EFCAB5: variants seen among roughly 807,000 people sequenced by gnomAD.
The protein encoded by EFCAB5 is EF-hand calcium binding domain 5.
A neutral mutation model predicts 167.9 loss-of-function variants in EFCAB5; 131 were observed. The observed-to-expected ratio is 0.78, with a 90% CI of 0.68 to 0.90. The LOEUF (loss-of-function observed/expected upper bound fraction) is 0.90. Among genes scored for constraint, EFCAB5 ranks in the 40% least tolerant of loss-of-function variants. The probability of loss-of-function intolerance (pLI) is 0.00; values close to 1 mark genes in which losing one functional copy is unlikely to be tolerated. For missense variants in EFCAB5, 1,663 were observed against 1,745.2 expected, an observed-to-expected ratio of 0.95 and a Z score of 0.84; for synonymous variants, 574 against 602.8, an observed-to-expected ratio of 0.95 and a Z score of 0.70.
chr17:29,949,705 T>G (rs956548662), intron 3 of EFCAB5, among the ~76,000 whole-genome samples: 2 of 152,228 alleles, frequency 1.3e-5, no homozygotes, highest in African/African-American at 4.8e-5. Context: ...TTGTTCAGAA[T>G]CCTGATTTGT....
At chr17:30,045,448 G>C (rs1431044165) in intron 8 of EFCAB5, among the ~76,000 whole-genome samples, 17 of 132,362 alleles carry the variant, frequency 1.3e-4, no homozygotes, top group Non-Finnish European at 3.1e-5. Context: ...ACAGAGCTAG[G>C]CTCTGTCTCC....
intron 22 of EFCAB5, among the ~76,000 whole-genome samples, chr17:30,099,928 C>T (rs1416114671): frequency 6.6e-6 from 1 of 152,034 alleles, no homozygotes; most frequent in African/African-American, 2.4e-5. Context: ...GTGGCCCTGC[C>T]CTCTTTTTTC....
At chr17:29,952,596 C>T (rs2067534454) in intron 3 of EFCAB5, among the ~76,000 whole-genome samples, 1 of 152,000 alleles carries the variant, frequency 6.6e-6, no homozygotes, top group Non-Finnish European at 1.5e-5. Context: ...TAGACCTATA[C>T]CTTTCAATAT....
intron 22 of EFCAB5, among the ~76,000 whole-genome samples, chr17:30,106,284 T>A (rs2071448307): frequency 1.3e-5 from 2 of 151,322 alleles, no homozygotes; most frequent in South Asian, 4.1e-4. Flanking sequence ...ATAAATTATT[T>A]ATTTATAATT....
At chr17:30,088,284 T>C (rs761870805) in intron 19 of EFCAB5, among the ~76,000 whole-genome samples, 5 of 152,046 alleles carry the variant, frequency 3.3e-5, no homozygotes, top group Non-Finnish European at 7.4e-5. Context: ...TAAGCCCAGC[T>C]CATTTAATTT....
intron 4 of EFCAB5, among the ~76,000 whole-genome samples, chr17:29,977,007 T>C (rs2068075453): frequency 6.6e-6 from 1 of 152,208 alleles, no homozygotes; most frequent in Non-Finnish European, 1.5e-5. Context: ...GACATAGATA[T>C]AGAATTAAAG....
intron 3 of EFCAB5, among the ~76,000 whole-genome samples, chr17:29,947,377 A>C (rs546490673): frequency 6.6e-6 from 1 of 152,150 alleles, no homozygotes. Context: ...GTATGCAAAG[A>C]CATGCCGAGC....
intron 3 of EFCAB5, among the ~76,000 whole-genome samples, chr17:29,964,626 T>G (rs924927076): frequency 2.0e-5 from 3 of 152,174 alleles, no homozygotes; most frequent in African/African-American, 4.8e-5. Context: ...TTTTAATCTC[T>G]GTAAGGTTGG....
At chr17:30,043,077 C>T (rs919668339) in intron 8 of EFCAB5, among the ~76,000 whole-genome samples, 12 of 151,964 alleles carry the variant, frequency 7.9e-5, no homozygotes, top group Admixed American at 2.6e-4. Flanking sequence ...CCCAGGAGTT[C>T]GAATCCAGCC....
chr17:30,005,556 A>T (rs1219287180), intron 7 of EFCAB5, among the ~76,000 whole-genome samples: 1 of 152,176 alleles, frequency 6.6e-6, no homozygotes, highest in Non-Finnish European at 1.5e-5. Context: ...CACAAATTGC[A>T]TATGTTTGTA....
At chr17:30,081,298 T>C (rs187380413) in intron 17 of EFCAB5, among the ~76,000 whole-genome samples, 1 of 152,320 alleles carries the variant, frequency 6.6e-6, no homozygotes, top group Admixed American at 6.5e-5. Flanking sequence ...GGAATGAACT[T>C]TTAGAAGGGA....
intron 22 of EFCAB5, among the ~76,000 whole-genome samples, chr17:30,096,307 G>A (rs923290222): frequency 6.6e-6 from 1 of 152,074 alleles, no homozygotes; most frequent in Non-Finnish European, 1.5e-5. Flanking sequence ...TTATTAAGAG[G>A]AACAACTAAA....
intron 22 of EFCAB5, among the ~76,000 whole-genome samples, chr17:30,102,553 TTTTTC>T (rs2071395737): frequency 6.6e-6 from 1 of 152,068 alleles, no homozygotes. Flanking sequence ...CTTCTTTTTC[TTTTTC>T]TTTTCTTCTT....
intron 22 of EFCAB5, among the ~76,000 whole-genome samples, chr17:30,103,543 G>A (rs1597579855): frequency 6.6e-6 from 1 of 152,028 alleles, no homozygotes; most frequent in East Asian, 1.9e-4. Flanking sequence ...CTCAAACTTC[G>A]ATTACTAGAG....
intron 1 of EFCAB5, among the ~76,000 whole-genome samples, chr17:29,935,100 A>G (rs930930244): frequency 3.9e-5 from 6 of 152,234 alleles, no homozygotes; most frequent in Non-Finnish European, 8.8e-5. Flanking sequence ...TTTGGGCATA[A>G]TTATAAGTAT....
intron 8 of EFCAB5, 141 bp downstream of exon 8, chr17:30,034,526 C>T (rs2069567506): frequency 1.1e-6 from 1 of 917,982 alleles, no homozygotes; most frequent in East Asian, 2.8e-5. Context: ...TGGTGAAACC[C>T]CATATCTACA....
Position 30,034,256 on chromosome 17 carries a change from G to A in EFCAB5, c.1071G>A (p.Leu357=), listed in dbSNP as rs1162670772. The change falls in exon 8 of 23, where the codon TTG becomes TTA. Residue 357 remains leucine, a synonymous_variant. Coordinates refer to ENST00000394835, the MANE Select transcript of EFCAB5 (RefSeq NM_198529.4). ...TEYISSHIKD[L]KSEMFEELLK... is the part of the protein sequence containing the mutation. ...ACATCTCTTCACATATTAAAGACTT[G>A]AAGAGTGAAATGTTTGAGGAACTTC... 4 of 1,613,722 alleles carry A rather than the reference G, an allele frequency of 2.5e-6. No homozygotes were observed. In the Admixed American group the frequency reaches 6.7e-5, roughly 27 times the overall value.
chr17:30,030,260 T>C (rs2151730019), intron 7 of EFCAB5, among the ~76,000 whole-genome samples: 1 of 152,350 alleles, frequency 6.6e-6, no homozygotes, highest in South Asian at 2.1e-4. Flanking sequence ...CGACAGACTA[T>C]AGCTCCAGAA....
intron 3 of EFCAB5, among the ~76,000 whole-genome samples, chr17:29,959,888 C>T (rs1292374745): frequency 6.6e-6 from 1 of 152,148 alleles, no homozygotes; most frequent in African/African-American, 2.4e-5. Context: ...GAGCCCAGTA[C>T]AGCACCAAGA....
Sources: gnomAD v4.1 joint callset for allele counts (sites outside exome capture counted in the v4.1 genomes callset) on GRCh38, gnomAD v4.1.1 for gene constraint, MANE v1.5 for transcripts, NCBI Gene and HGNC (gene_info 2026-07-23, HGNC 2026-07-21) for gene names.